Variants in KIAA1549L observed in about 807,000 individuals in gnomAD.
The protein encoded by KIAA1549L is UPF0606 protein KIAA1549L.
In KIAA1549L, 88 loss-of-function variants were observed where a neutral mutation model predicts 160.7. The ratio of observed to expected loss-of-function variants is 0.55; its 90% CI spans 0.46 to 0.65. The LOEUF is 0.65. Ranked by LOEUF, KIAA1549L falls within the 30% of genes least tolerant of loss-of-function variation. KIAA1549L has a pLI of 0.00. For synonymous variants in KIAA1549L, 950 were observed against 976.7 expected (o/e 0.97, Z 0.51); for missense variants, 2,258 against 2,437.5 (o/e 0.93, Z 1.55).
At chr11:33,614,570 ATATATATATATATATTTTTT>A (rs1850751015) in intron 15 of KIAA1549L, among the ~76,000 whole-genome samples, 2 of 15,040 alleles carry the variant, frequency 1.3e-4, no homozygotes, top group East Asian at 1.7e-3. Flanking sequence ...ATATATATAT[ATATATATATATATATTTTTT>A]TTTTTTTTTT....
chr11:33,645,255 G>T (rs1851684245), intron 16 of KIAA1549L, among the ~76,000 whole-genome samples: 1 of 152,092 alleles, frequency 6.6e-6, no homozygotes, highest in South Asian at 2.1e-4. Context: ...TTAACCAAAG[G>T]CTGGACACAG....
chr11:33,634,554 A>G (rs982329962), intron 16 of KIAA1549L, among the ~76,000 whole-genome samples: 6 of 152,186 alleles, frequency 3.9e-5, no homozygotes, highest in Non-Finnish European at 8.8e-5. Context: ...CAGTAATTGA[A>G]TTTCCCCTGC....
At chr11:33,654,850 G>A (rs1481375803) in intron 17 of KIAA1549L, among the ~76,000 whole-genome samples, 1 of 152,180 alleles carries the variant, frequency 6.6e-6, no homozygotes, top group African/African-American at 2.4e-5. Context: ...GGACCTCGTC[G>A]TTATTGAGTG....
intron 1 of KIAA1549L, among the ~76,000 whole-genome samples, chr11:33,415,978 A>C (rs1460760707): frequency 6.6e-6 from 1 of 152,044 alleles, no homozygotes; most frequent in African/African-American, 2.4e-5. Flanking sequence ...TCAAGGCTGC[A>C]GTGGGATGTA....
chr11:33,639,429 T>C (rs1851527804), intron 16 of KIAA1549L, among the ~76,000 whole-genome samples: 1 of 152,222 alleles, frequency 6.6e-6, no homozygotes, highest in African/African-American at 2.4e-5. Context: ...TGAGTTCTGA[T>C]ATACCATAAC....
intron 12 of KIAA1549L, among the ~76,000 whole-genome samples, chr11:33,592,168 T>C (rs1044920011): frequency 3.9e-5 from 6 of 152,218 alleles, no homozygotes; most frequent in African/African-American, 1.2e-4. Context: ...TTAGAGTTCA[T>C]AGTGGCTGGA....
chr11:33,515,857 C>T (rs968970490), intron 1 of KIAA1549L, among the ~76,000 whole-genome samples: 29 of 152,144 alleles, frequency 1.9e-4, no homozygotes, highest in Non-Finnish European at 4.1e-4. Flanking sequence ...AGAGGGAATC[C>T]TCTAGTTCTG....
intron 17 of KIAA1549L, among the ~76,000 whole-genome samples, chr11:33,654,018 G>C (rs764912637): frequency 7.9e-5 from 12 of 151,820 alleles, no homozygotes; most frequent in Non-Finnish European, 5.9e-5. Flanking sequence ...TGTCATCCAG[G>C]CTGGAGTGCA....
intron 1 of KIAA1549L, among the ~76,000 whole-genome samples, chr11:33,444,148 A>G (rs1851563980): frequency 6.6e-6 from 1 of 152,242 alleles, no homozygotes; most frequent in African/African-American, 2.4e-5. Flanking sequence ...TTTTCTTTCA[A>G]AGCTATGATT....
At chr11:33,546,799 A>AGTAGG (rs1854279961) in intron 3 of KIAA1549L, among the ~76,000 whole-genome samples, 1 of 152,168 alleles carries the variant, frequency 6.6e-6, no homozygotes, top group Admixed American at 6.5e-5. Flanking sequence ...CCCCTATGTC[A>AGTAGG]ACTATGAATT....
intron 6 of KIAA1549L, among the ~76,000 whole-genome samples, chr11:33,557,847 A>C (rs545182597): frequency 1.4e-4 from 22 of 152,156 alleles, no homozygotes; most frequent in Admixed American, 1.4e-3. Flanking sequence ...CAATAAGGTC[A>C]CTGCACTTCA....
At chr11:33,487,043 T>G (rs531753885) in intron 1 of KIAA1549L, among the ~76,000 whole-genome samples, 30 of 152,228 alleles carry the variant, frequency 2.0e-4, no homozygotes, top group African/African-American at 7.2e-4. Context: ...CCATAGCAAT[T>G]TATTATTCAC....
chr11:33,435,786 A>G (rs747463914), intron 1 of KIAA1549L, among the ~76,000 whole-genome samples: 7,326 of 18,946 alleles, frequency 0.39, 1,139 homozygotes, highest in Middle Eastern at 0.44. Flanking sequence ...ATATATATAT[A>G]TATATATATA....
At chr11:33,564,628 T>C (rs544740509) in intron 8 of KIAA1549L, among the ~76,000 whole-genome samples, 1 of 152,212 alleles carries the variant, frequency 6.6e-6, no homozygotes. Context: ...GGACAGCCCA[T>C]TTCAGGCTTA....
chr11:33,598,996 C>T, intron 13 of KIAA1549L, 49 bp downstream of exon 13: 2 of 1,603,880 alleles, frequency 1.2e-6, no homozygotes, highest in Non-Finnish European at 1.7e-6. Flanking sequence ...CCCACGCGTG[C>T]CCGCACACAC....
intron 1 of KIAA1549L, among the ~76,000 whole-genome samples, chr11:33,455,112 A>AAACAG (rs1851796555): frequency 6.6e-6 from 1 of 152,164 alleles, no homozygotes; most frequent in Non-Finnish European, 1.5e-5. Flanking sequence ...AAACAAAACA[A>AAACAG]AAACAAACAA....
At chr11:33,472,762 C>T (rs775167655) in intron 1 of KIAA1549L, among the ~76,000 whole-genome samples, 2 of 152,206 alleles carry the variant, frequency 1.3e-5, no homozygotes, top group Admixed American at 1.3e-4. Flanking sequence ...TTCTGCACCA[C>T]AGTCCGTATT....
chr11:33,470,808 G>A (rs1852163697), intron 1 of KIAA1549L, among the ~76,000 whole-genome samples: 1 of 151,604 alleles, frequency 6.6e-6, no homozygotes, highest in African/African-American at 2.4e-5. Context: ...TTTCTTCTTT[G>A]TTTTGTTTTC....
At chr11:33,508,889 G>T (rs914896759) in intron 1 of KIAA1549L, among the ~76,000 whole-genome samples, 1 of 152,162 alleles carries the variant, frequency 6.6e-6, no homozygotes, top group African/African-American at 2.4e-5. Flanking sequence ...TTTTGCTTCA[G>T]TTTCTTTGTG....
Sources: gnomAD v4.1 joint callset for allele counts (sites outside exome capture counted in the v4.1 genomes callset) on GRCh38, gnomAD v4.1.1 for gene constraint, MANE v1.5 for transcripts, NCBI Gene and HGNC (gene_info 2026-07-23, HGNC 2026-07-21) for gene names.